Variants in KCND3 observed in about 807,000 individuals in gnomAD.
KCND3 encodes the protein potassium voltage-gated channel subfamily D member 3, also known as A-type voltage-gated potassium channel KCND3.
Under a neutral mutation model 51.1 loss-of-function variants are expected in KCND3, and 9 were observed. The observed-to-expected ratio is 0.18, with a 90% CI of 0.11 to 0.31. The LOEUF (loss-of-function observed/expected upper bound fraction) is 0.31. Ranked by LOEUF, KCND3 falls within the 10% of genes least tolerant of loss-of-function variation. KCND3 has a pLI of 1.00. For synonymous variants in KCND3, 349 were observed against 368.0 expected, an observed-to-expected ratio of 0.95 and a Z score of 0.59; for missense variants, 526 against 903.8, an observed-to-expected ratio of 0.58 and a Z score of 5.36.
intron 2 of KCND3, among the ~76,000 whole-genome samples, chr1:111,902,635 T>C (rs1465853755): frequency 6.6e-6 from 1 of 152,186 alleles, no homozygotes; most frequent in African/African-American, 2.4e-5. Context: ...GGCCAGGAGA[T>C]CCTTTGGATT....
intron 2 of KCND3, among the ~76,000 whole-genome samples, chr1:111,908,129 G>A (rs1670738866): frequency 6.6e-6 from 1 of 152,220 alleles, no homozygotes; most frequent in East Asian, 1.9e-4. Context: ...GGTTTTAAGA[G>A]TCACTCTCCT....
At chr1:111,862,729 A>G (rs1668392997) in intron 2 of KCND3, among the ~76,000 whole-genome samples, 1 of 152,266 alleles carries the variant, frequency 6.6e-6, no homozygotes, top group African/African-American at 2.4e-5. Flanking sequence ...GAGTAGGGAC[A>G]ATAACAATTT....
chr1:111,903,149 C>T (rs999069532), intron 2 of KCND3, among the ~76,000 whole-genome samples: 1 of 152,208 alleles, frequency 6.6e-6, no homozygotes, highest in East Asian at 1.9e-4. Flanking sequence ...GGGACATATA[C>T]TCAGCCTGGC....
chr1:111,825,304 C>T (rs1044532805), intron 2 of KCND3, among the ~76,000 whole-genome samples: 2 of 152,140 alleles, frequency 1.3e-5, no homozygotes, highest in African/African-American at 4.8e-5. Context: ...ATTCTTCCTA[C>T]TTTGTGGCAC....
chr1:111,853,308 G>C (rs1326519137), intron 2 of KCND3, among the ~76,000 whole-genome samples: 1 of 152,096 alleles, frequency 6.6e-6, no homozygotes, highest in African/African-American at 2.4e-5. Context: ...TAACTTTCAG[G>C]GTCGTTCTGG....
intron 2 of KCND3, among the ~76,000 whole-genome samples, chr1:111,888,061 G>A (rs1367496068): frequency 1.3e-5 from 2 of 152,232 alleles, no homozygotes; most frequent in African/African-American, 2.4e-5. Context: ...GGCAGAGCAA[G>A]GTCCAGAGAG....
chr1:111,884,624 A>C (rs1286094425), intron 2 of KCND3, among the ~76,000 whole-genome samples: 1 of 152,214 alleles, frequency 6.6e-6, no homozygotes. Context: ...TGAGAGGAGC[A>C]GTCCCCCAAA....
intron 2 of KCND3, among the ~76,000 whole-genome samples, chr1:111,836,971 T>C (rs913434042): frequency 4.6e-5 from 7 of 152,208 alleles, no homozygotes; most frequent in African/African-American, 1.7e-4. Context: ...CCCCTGTGAA[T>C]TGACACAAAA....
In KCND3 at chr1:111,939,687, C is replaced by T. The variant is rs1026811258; in HGVS notation, c.1106+41934G>A. Among the ~76,000 whole-genome samples, 7 of 152,278 alleles carry T rather than the reference C, an allele frequency of 4.6e-5. No individual in the cohort carries two copies. In the South Asian group the frequency reaches 6.2e-4, roughly 14 times the overall value. ...TGTGAATAGTGTCACAATAAACATA[C>T]GTGTGCATGTGTTTTGATAGTAAAA... On this transcript the variant is annotated intron_variant, in intron 2 of 7. Transcript: ENST00000302127.
At chr1:111,928,230 C>G (rs558042848) in intron 2 of KCND3, among the ~76,000 whole-genome samples, 1 of 152,222 alleles carries the variant, frequency 6.6e-6, no homozygotes, top group East Asian at 1.9e-4. Context: ...CATAGGAGCT[C>G]GACAAATACT....
chr1:111,912,915 GTTTAA>G (rs1671032732), intron 2 of KCND3, among the ~76,000 whole-genome samples: 1 of 152,168 alleles, frequency 6.6e-6, no homozygotes, highest in Non-Finnish European at 1.5e-5. Flanking sequence ...AGTCAGCTAA[GTTTAA>G]TTTATTATTG....
At chr1:111,896,972 G>T (rs1250863657) in intron 2 of KCND3, among the ~76,000 whole-genome samples, 1 of 152,186 alleles carries the variant, frequency 6.6e-6, no homozygotes, top group African/African-American at 2.4e-5. Flanking sequence ...CTATTATTAT[G>T]ACCACCATCA....
chr1:111,850,857 C>T (rs533850314), intron 2 of KCND3, among the ~76,000 whole-genome samples: 6 of 152,196 alleles, frequency 3.9e-5, no homozygotes, highest in South Asian at 2.1e-4. Flanking sequence ...ACCACAACTG[C>T]GAAGATGGAA....
At chr1:111,960,840 T>C (rs1043763704) in intron 2 of KCND3, among the ~76,000 whole-genome samples, 2 of 152,256 alleles carry the variant, frequency 1.3e-5, no homozygotes, top group South Asian at 4.1e-4. Flanking sequence ...CCAGCCCTCA[T>C]GGTTTTAATT....
intron 1 of KCND3, among the ~76,000 whole-genome samples, chr1:111,984,734 A>G (rs1009737810): frequency 8.5e-5 from 13 of 152,170 alleles, no homozygotes; most frequent in African/African-American, 3.1e-4. Context: ...GTATCCAGCA[A>G]TAAGACCAAG....
intron 2 of KCND3, among the ~76,000 whole-genome samples, chr1:111,962,526 A>G (rs577258326): frequency 2.0e-5 from 3 of 152,340 alleles, no homozygotes; most frequent in African/African-American, 7.2e-5. Context: ...AAACAGTGAC[A>G]TCATGCCATT....
intron 2 of KCND3, among the ~76,000 whole-genome samples, chr1:111,797,884 A>C (rs1474184233): frequency 6.6e-6 from 1 of 151,344 alleles, no homozygotes; most frequent in Non-Finnish European, 1.5e-5. Context: ...TCATCTTTGA[A>C]AGATCACCTT....
chr1:111,937,962 T>C (rs1672302833), intron 2 of KCND3, among the ~76,000 whole-genome samples: 2 of 152,230 alleles, frequency 1.3e-5, no homozygotes, highest in Non-Finnish European at 2.9e-5. Context: ...TGACCCCTTG[T>C]TGCCTTTGGA....
At chr1:111,816,168 G>A (rs1282791007) in intron 2 of KCND3, among the ~76,000 whole-genome samples, 2 of 152,262 alleles carry the variant, frequency 1.3e-5, no homozygotes, top group Admixed American at 6.5e-5. Flanking sequence ...AAGCTCGGCC[G>A]GGTGTGGCCA....
Sources: gnomAD v4.1 joint callset for allele counts (sites outside exome capture counted in the v4.1 genomes callset) on GRCh38, gnomAD v4.1.1 for gene constraint, MANE v1.5 for transcripts, NCBI Gene and HGNC (gene_info 2026-07-23, HGNC 2026-07-21) for gene names.